The following KCNH4 variants were observed in gnomAD, a reference collection of about 807,000 sequenced individuals.
KCNH4 encodes the protein potassium voltage-gated channel subfamily H member 4, also known as voltage-gated delayed rectifier potassium channel KCNH4.
KCNH4 carries 33 observed loss-of-function variants against 90.7 expected under a neutral mutation model. The observed-to-expected ratio is 0.36, with a 90% CI of 0.28 to 0.49. KCNH4 has a LOEUF of 0.49. Among genes scored for constraint, KCNH4 ranks in the 20% least tolerant of loss-of-function variants. The pLI is 0.98. For missense variants in KCNH4, 1,044 were observed against 1,387.1 expected, an observed-to-expected ratio of 0.75 and a Z score of 3.93; for synonymous variants, 551 against 581.7, an observed-to-expected ratio of 0.95 and a Z score of 0.76.
chr17:42,169,473 C>T lies in KCNH4; in HGVS notation c.1590+4G>A. 2 of 1,612,574 alleles carry T rather than the reference C, an allele frequency of 1.2e-6. No individual in the cohort carries two copies. Among genetic ancestry groups the T allele is most frequent in the Non-Finnish European group, 1.7e-6 (2 of 1,179,874 alleles). ...AGGGCAAGATTGGAGACCCTGCAGG[C>T]TACCTCGTTGGCGTCGATGCCGCTG... On this transcript the variant is annotated splice_donor_region_variant and intron_variant, in intron 9 of 16. Transcript: ENST00000264661.
At position 42,163,210 on chromosome 17, in the gene KCNH4, T is replaced by G. The variant is rs1198722971; in HGVS notation, c.2584+18A>C. On this transcript the variant is annotated intron_variant, in intron 14 of 16. Coordinates refer to ENST00000264661, the MANE Select transcript of KCNH4 (RefSeq NM_012285.3). The surrounding 1 kb of genome is among the most constrained non-coding windows in gnomAD (Gnocchi z 5.4). ...GGGCAGATGGATGACGGGGTTGAAG[T>G]CCACTGTTGGCCCTTACCTGTAGGG... The G allele has an allele frequency of 6.5e-7, 1 of 1,541,200 alleles. No individual in the cohort carries two copies. Among genetic ancestry groups the G allele is most frequent in the African/African-American group, 1.4e-5 (1 of 73,622 alleles).
chr17:42,160,428 C>G lies in KCNH4; in HGVS notation c.2666G>C (p.Arg889Pro). ...AAGCTGAGACACCTCCTGATTGAGA[C>G]GAGAGATCTGTTGAAAACACATCGA... ...KVCRLNQEISRLNQEVSQLSR... is the reference protein window; with the variant it reads ...KVCRLNQEISPLNQEVSQLSR... Residue 889 changes from arginine (R) to proline (P), a missense_variant, in exon 16 of 17, where the codon CGT becomes CCT. Arg to Pro is a moderately radical substitution (Grantham distance 103, BLOSUM62 -2). Coordinates refer to ENST00000264661, the MANE Select transcript of KCNH4 (RefSeq NM_012285.3). 1 of 1,597,496 alleles carries G rather than the reference C, an allele frequency of 6.3e-7. No individual in the cohort carries two copies. Among genetic ancestry groups the G allele is most frequent in the Non-Finnish European group, 8.6e-7 (1 of 1,168,986 alleles).
intron 11 of KCNH4, 143 bp from the exon 12 acceptor site, chr17:42,164,311 C>T: frequency 1.4e-6 from 1 of 696,710 alleles, no homozygotes; most frequent in Non-Finnish European, 2.3e-6. Context: ...AACCCTAACT[C>T]AAACAAACAC....
chr17:42,165,371 A>T (rs1179135985), intron 11 of KCNH4, 78 bp downstream of exon 11: 2 of 1,564,946 alleles, frequency 1.3e-6, no homozygotes, highest in Non-Finnish European at 1.7e-6. Context: ...AGGGAGGTTC[A>T]TGGGACTCTC....
rs772403962 is a variant in KCNH4 at position 42,178,326 on chromosome 17, G to C, written c.457+5C>G. 6.2e-7 allele frequency: 1 copy of C among 1,614,230 alleles called. No homozygotes were observed. Among genetic ancestry groups the C allele is most frequent in the Non-Finnish European group, 8.5e-7 (1 of 1,180,028 alleles). ...TTCACACTGCCCGTCCGGACTTGCT[G>C]TTACCGTGATTACTGTCCCCGCGGC... On this transcript the variant is annotated splice_donor_5th_base_variant and intron_variant, in intron 3 of 16. Coordinates refer to ENST00000264661, the MANE Select transcript of KCNH4 (RefSeq NM_012285.3).
chr17:42,165,101 G>A (rs376044588), intron 11 of KCNH4, among the ~76,000 whole-genome samples: 3 of 149,250 alleles, frequency 2.0e-5, no homozygotes, highest in East Asian at 2.0e-4. Context: ...GTAAGACTTC[G>A]TCTCAAAAAA....
rs748525487 is a variant in KCNH4, at chr17:42,165,714, C to T, written c.1841-21G>A. On this transcript the variant is annotated intron_variant, in intron 10 of 16. Coordinates refer to ENST00000264661, the MANE Select transcript of KCNH4 (RefSeq NM_012285.3). ...CTTCCCTGTAGGTAAGGGATGGGGA[C>T]AGTCAGCTGGGGCAGTGAGAACGAA... 3.1e-6 allele frequency: 5 copies of T among 1,613,506 alleles called. No individual in the cohort carries two copies. The South Asian group carries it at 5.5e-5, about 18-fold the overall frequency.
chr17:42,163,308 C>G lies in KCNH4; in HGVS notation c.2504G>C (p.Gly835Ala). The G allele has an allele frequency of 6.2e-7, 1 of 1,613,904 alleles. No individual in the cohort carries two copies. Among genetic ancestry groups the G allele is most frequent in the Non-Finnish European group, 8.5e-7 (1 of 1,179,878 alleles). ...GAATGAAGGGGCCTCAGCTGTGCTGCCAGAGTCCTCAATGCCATCCACTAT... is the reference window on the plus strand; with the variant it reads ...GAATGAAGGGGCCTCAGCTGTGCTGGCAGAGTCCTCAATGCCATCCACTAT... ...PRIVDGIEDS[G>A]STAEAPSFRF... is the part of the protein sequence containing the mutation. Residue 835 changes from glycine (G) to alanine (A), a missense_variant, in exon 14 of 17, where the codon GGC (glycine) becomes GCC (alanine). Transcript: ENST00000264661. The surrounding 1 kb of genome is among the most constrained non-coding windows in gnomAD (Gnocchi z 5.4).
In KCNH4 at chr17:42,179,039, G is replaced by A. The variant is rs758942283; in HGVS notation, c.77-13C>T. 1 of 1,607,414 alleles carries A rather than the reference G, an allele frequency of 6.2e-7. No homozygotes were observed. The highest frequency in any genetic ancestry group is 1.7e-5 in the Admixed American group (1 of 59,954). On this transcript the variant is annotated splice_polypyrimidine_tract_variant and intron_variant, in intron 1 of 16. Coordinates refer to ENST00000264661, the MANE Select transcript of KCNH4 (RefSeq NM_012285.3). Reference sequence around the variant, plus strand: ...AGGAAGTTGCTGTCTGTGGGAAGAAGAGGTCAAGGTCAGGTCAAGGCTGGG... The same window carrying A: ...AGGAAGTTGCTGTCTGTGGGAAGAAAAGGTCAAGGTCAGGTCAAGGCTGGG...
rs757174422 is a variant in KCNH4 at position 42,169,569 on chromosome 17, G to C, written c.1498C>G (p.Arg500Gly). ...AGCGGCCGCGGCAGGCGGTGCACACGGATGAAGTCCTTGAGGTCCTTCATG... is the reference window on the plus strand; with the variant it reads ...AGCGGCCGCGGCAGGCGGTGCACACCGATGAAGTCCTTGAGGTCCTTCATG... ...SRMKDLKDFI[R>G]VHRLPRPLKQ... is the part of the protein sequence containing the mutation. Residue 500 changes from arginine to glycine, a missense_variant, in exon 9 of 17, where the codon CGT (arginine) becomes GGT (glycine). Around this residue, in one of 4 missense-constraint regions of KCNH4, gnomAD observed 318 missense variants for 479.6 expected, o/e 0.66. Coordinates refer to ENST00000264661, the MANE Select transcript of KCNH4 (RefSeq NM_012285.3). The C allele has an allele frequency of 8.7e-6, 14 of 1,613,822 alleles. No homozygotes were observed. The highest frequency in any genetic ancestry group is 1.1e-5 in the Non-Finnish European group (13 of 1,180,014).
chr17:42,177,398 T>G (rs2144141966), intron 4 of KCNH4, among the ~76,000 whole-genome samples: 1 of 143,508 alleles, frequency 7.0e-6, no homozygotes, highest in East Asian at 2.1e-4. Flanking sequence ...GGGGTCTCAC[T>G]ATGTTGCCCA....
At chr17:42,173,985 T>C (rs573102657) in intron 6 of KCNH4, among the ~76,000 whole-genome samples, 1 of 151,528 alleles carries the variant, frequency 6.6e-6, no homozygotes, top group Non-Finnish European at 1.5e-5. Flanking sequence ...TACAGGGTGA[T>C]CCACTGCGCC....
In KCNH4 at chr17:42,166,285, C is replaced by T. The variant is rs1229659872; in HGVS notation, c.1840+12G>A. 15 of 1,589,816 alleles carry T rather than the reference C, an allele frequency of 9.4e-6. No individual in the cohort carries two copies. Among genetic ancestry groups the T allele is most frequent in the South Asian group, 3.4e-5 (3 of 87,878 alleles). ...TTCCAGGGTAGGTAGTAGAGGGTGA[C>T]GGTGTCCTTACCCAGGATGGCCAGC... On this transcript the variant is annotated intron_variant, in intron 10 of 16. Transcript: ENST00000264661.
Position 42,157,908 on chromosome 17 carries a change from C to T in KCNH4, c.*310-790G>A, listed in dbSNP as rs117952428. 2.0e-5 allele frequency among the ~76,000 whole-genome samples: 3 copies of T among 152,084 alleles called. No individual in the cohort carries two copies. The East Asian group carries it at 5.8e-4, about 29-fold the overall frequency. Reference sequence around the variant, plus strand: ...CTGGAACCACAGGCACTCACCACTACACCTGGCTAATTTTTATTTATTTAT... The same window carrying T: ...CTGGAACCACAGGCACTCACCACTATACCTGGCTAATTTTTATTTATTTAT... On this transcript the variant is annotated intron_variant, in intron 16 of 16. Transcript: ENST00000264661.
At chr17:42,164,502 T>A (rs915604287) in intron 11 of KCNH4, among the ~76,000 whole-genome samples, 1 of 152,152 alleles carries the variant, frequency 6.6e-6, no homozygotes, top group African/African-American at 2.4e-5. Flanking sequence ...GAGGGGGTTG[T>A]TTCTAAAGGG....
chr17:42,170,357 G>T, intron 7 of KCNH4, 56 bp from the exon 8 acceptor site: 2 of 1,479,358 alleles, frequency 1.4e-6, no homozygotes, highest in Non-Finnish European at 1.8e-6. Context: ...GAGAACCAGG[G>T]TTCCCTGAGC....
intron 9 of KCNH4, among the ~76,000 whole-genome samples, chr17:42,169,190 G>A (rs536405146): frequency 7.2e-5 from 11 of 152,182 alleles, no homozygotes; most frequent in East Asian, 1.9e-4. Flanking sequence ...AGTGATTCTC[G>A]TGCCTCAGTC....
intron 16 of KCNH4, among the ~76,000 whole-genome samples, 196 bp from the exon 17 acceptor site, chr17:42,157,314 A>T (rs1568029318): frequency 6.6e-6 from 1 of 152,002 alleles, no homozygotes; most frequent in East Asian, 1.9e-4. Flanking sequence ...TCTGCTTTTT[A>T]TTTTTTTATT....
Position 42,170,107 on chromosome 17 carries a change from C to A in KCNH4, c.1390G>T (p.Ala464Ser). The A allele has an allele frequency of 1.3e-6, 2 of 1,598,458 alleles. No individual in the cohort carries two copies. The highest frequency in any genetic ancestry group is 1.1e-5 in the South Asian group (1 of 89,612). Reference sequence around the variant, plus strand: ...TGAGGCGTGGCAGGTCTGGCCTCACCGCCTATGAGCATCGTGCAGATGGAG... The same window carrying A: ...TGAGGCGTGGCAGGTCTGGCCTCACAGCCTATGAGCATCGTGCAGATGGAG... ...IFSICTMLIG[A>S]LMHAVVFGNV... The change falls in exon 8 of 17, where the codon GCC becomes TCC. Residue 464 changes from alanine (A) to serine (S), a missense_variant and splice_region_variant. By Grantham distance (99) the Ala-to-Ser change is moderately conservative. Coordinates refer to ENST00000264661, the MANE Select transcript of KCNH4 (RefSeq NM_012285.3).
Sources: allele counts gnomAD v4.1 joint callset (sites outside exome capture counted in the v4.1 genomes callset), GRCh38; gene constraint gnomAD v4.1.1; regional missense constraint gnomAD v4.1.1; non-coding constraint Gnocchi (gnomAD v3.1); transcripts MANE v1.5; gene names NCBI Gene and HGNC (gene_info 2026-07-23, HGNC 2026-07-21).